The following SLC7A2 variants were observed in gnomAD, a reference collection of about 807,000 sequenced individuals.
SLC7A2 encodes the protein solute carrier family 7 member 2.
Under a neutral mutation model 58.9 loss-of-function variants are expected in SLC7A2, and 48 were observed. That is an observed-to-expected ratio of 0.82 (90% CI 0.65 to 1.04). The LOEUF is 1.04. Among genes scored for constraint, SLC7A2 ranks in the 50% least tolerant of loss-of-function variants. The pLI is 0.00. For missense variants in SLC7A2, 1,029 were observed against 818.8 expected, an observed-to-expected ratio of 1.26 and a Z score of -3.13; for synonymous variants, 363 against 314.5, an observed-to-expected ratio of 1.15 and a Z score of -1.63.
In SLC7A2 at chr8:17,562,081, CCCCA is replaced by C; in HGVS notation, c.1643_1646del (p.Pro548ArgfsTer6). On this transcript the variant is annotated frameshift_variant, in exon 11 of 13. Coordinates refer to ENST00000494857, the MANE Select transcript of SLC7A2 (RefSeq NM_001370338.1). LOFTEE classifies it high-confidence loss of function. ...CATCGTTCTCACCATCTGGAGGCAGCCCCAGAATCAGCAAAAAGTAGCCTTCATG... is the reference window on the plus strand; with the variant it reads ...CATCGTTCTCACCATCTGGAGGCAGCGAATCAGCAAAAAGTAGCCTTCATG... 1 of 1,613,494 alleles carries C rather than the reference CCCCA, an allele frequency of 6.2e-7. No individual in the cohort carries two copies. The highest frequency in any genetic ancestry group is 8.5e-7 in the Non-Finnish European group (1 of 1,179,958).
chr8:17,555,785 A>G (rs1337507269), intron 8 of SLC7A2, among the ~76,000 whole-genome samples: 2 of 152,174 alleles, frequency 1.3e-5, no homozygotes, highest in African/African-American at 4.8e-5. Flanking sequence ...TATCCATGTA[A>G]AATACCTTTG....
At chr8:17,551,500 G>A (rs1207024069) in intron 6 of SLC7A2, among the ~76,000 whole-genome samples, 1 of 152,150 alleles carries the variant, frequency 6.6e-6, no homozygotes, top group Non-Finnish European at 1.5e-5. Flanking sequence ...GGGAGGCTGA[G>A]GCAGGAGAAT....
At position 17,565,150 on chromosome 8, in the gene SLC7A2, T is replaced by C. The variant is rs545197993; in HGVS notation, c.*4T>C. 4.4e-6 allele frequency: 7 copies of C among 1,608,224 alleles called. No individual in the cohort carries two copies. The highest frequency in any genetic ancestry group is 2.7e-5 in the African/African-American group (2 of 74,848). On this transcript the variant is annotated 3_prime_UTR_variant, in exon 13 of 13. Coordinates refer to ENST00000494857, the MANE Select transcript of SLC7A2 (RefSeq NM_001370338.1). ...TGAAAAGACAAGTGAATTCTAACACTTGCAGGAGCAGAGCTGGTCATCGTC... is the reference window on the plus strand; with the variant it reads ...TGAAAAGACAAGTGAATTCTAACACCTGCAGGAGCAGAGCTGGTCATCGTC...
rs1250315859 is a variant in SLC7A2, at chr8:17,554,786, T to C, written c.1195+87T>C. ...AAAAATACAAAGCTAGGTGGTTTTCTTTTTTGATTTCCAAGAAGTTCAGTC... is the reference window on the plus strand; with the variant it reads ...AAAAATACAAAGCTAGGTGGTTTTCCTTTTTGATTTCCAAGAAGTTCAGTC... On this transcript the variant is annotated intron_variant, in intron 8 of 12. Coordinates refer to ENST00000494857, the MANE Select transcript of SLC7A2 (RefSeq NM_001370338.1). 4 of 1,456,998 alleles carry C rather than the reference T, an allele frequency of 2.7e-6. No individual in the cohort carries two copies. In the African/African-American group the frequency reaches 4.5e-5, roughly 16 times the overall value. The allele number at this position is 1,456,998 out of a possible 1,614,324, so 90.3% of individuals were successfully genotyped here.
intron 2 of SLC7A2, among the ~76,000 whole-genome samples, chr8:17,527,850 A>G (rs1284947460): frequency 6.6e-6 from 1 of 152,202 alleles, no homozygotes; most frequent in East Asian, 1.9e-4. Flanking sequence ...GGACTTCAGC[A>G]TATTTTTCTG....
At chr8:17,545,542 T>C in intron 4 of SLC7A2, among the ~76,000 whole-genome samples, 1 of 150,262 alleles carries the variant, frequency 6.7e-6, no homozygotes, top group South Asian at 2.1e-4. Context: ...GGACTACAGG[T>C]GCGCGCCACC....
intron 2 of SLC7A2, chr8:17,538,785 C>A (rs768640908): frequency 3.7e-6 from 6 of 1,612,158 alleles, no homozygotes; most frequent in Non-Finnish European, 5.1e-6. Flanking sequence ...AGTCCCAAAA[C>A]AGAAAGAGCA....
At chr8:17,529,726 G>A (rs1268494392) in intron 2 of SLC7A2, among the ~76,000 whole-genome samples, 2 of 151,786 alleles carry the variant, frequency 1.3e-5, no homozygotes, top group Admixed American at 6.6e-5. Context: ...GTAACGATGG[G>A]GTTTTACACC....
chr8:17,554,776 G>C (rs925060734), intron 8 of SLC7A2, 77 bp downstream of exon 8: 19 of 1,476,078 alleles, frequency 1.3e-5, no homozygotes, highest in South Asian at 6.8e-5. Flanking sequence ...TACAAAGCTA[G>C]GTGGTTTTCT....
rs774193511 is a variant in SLC7A2, at chr8:17,561,981, C to T, written c.1542C>T (p.Tyr514=). The T allele has an allele frequency of 1.5e-5, 24 of 1,613,994 alleles. 1 individual carries two copies. The highest frequency in any genetic ancestry group is 3.3e-4 in the Middle Eastern group (2 of 6,084). The part of the protein sequence containing the change: ...LVLGLSVLTT[Y]GVHAITRLEA... ...TGGGCCTGAGTGTCTTGACCACTTA[C>T]GGAGTTCATGCCATCACCAGGCTGG... The change falls in exon 11 of 13, where the codon TAC becomes TAT. Residue 514 remains tyrosine, a synonymous_variant. Transcript: ENST00000494857.
chr8:17,495,813 G>T (rs181390485), upstream of SLC7A2, among the ~76,000 whole-genome samples: 1 of 152,202 alleles, frequency 6.6e-6, no homozygotes, highest in Admixed American at 6.5e-5. Context: ...GCGTCCCAAA[G>T]TGCTGGGATT....
rs1803447689 is a variant in SLC7A2, at chr8:17,570,242, T to C, written c.*5096T>C. On this transcript the variant is annotated 3_prime_UTR_variant, in exon 13 of 13. Transcript: ENST00000494857. Reference sequence around the variant, plus strand: ...CACCTGATTAATGGGCCCTTTATCTTTGGTGTCCCCTAGGAGTGTCCAGTT... The same window carrying C: ...CACCTGATTAATGGGCCCTTTATCTCTGGTGTCCCCTAGGAGTGTCCAGTT... 1 of 152,284 alleles carries C rather than the reference T, an allele frequency of 6.6e-6. No homozygotes were observed. The highest frequency in any genetic ancestry group is 1.5e-5 in the Non-Finnish European group (1 of 68,018). 9.4% of individuals were successfully genotyped at this position (152,284 alleles called of 1,614,324 possible).
chr8:17,565,218 C>A lies in SLC7A2; in HGVS notation c.*72C>A. 8.3e-7 allele frequency: 1 copy of A among 1,209,632 alleles called. No homozygotes were observed. The highest frequency in any genetic ancestry group is 1.2e-6 in the Non-Finnish European group (1 of 860,128). The allele number at this position is 1,209,632 out of a possible 1,614,324, so 74.9% of individuals were successfully genotyped here. On this transcript the variant is annotated 3_prime_UTR_variant, in exon 13 of 13. Coordinates refer to ENST00000494857, the MANE Select transcript of SLC7A2 (RefSeq NM_001370338.1). ...CACTGAGTAAACCGTAACGGGATGTCATCAGCATGCTGGGTTGTCATGGGT... is the reference window on the plus strand; with the variant it reads ...CACTGAGTAAACCGTAACGGGATGTAATCAGCATGCTGGGTTGTCATGGGT...
chr8:17,560,097 T>C (rs1284635674), intron 9 of SLC7A2, among the ~76,000 whole-genome samples: 1 of 152,234 alleles, frequency 6.6e-6, no homozygotes, highest in Non-Finnish European at 1.5e-5. Context: ...CCATCTATTG[T>C]ATGACTCTGA....
At chr8:17,503,002 TC>T (rs1277295912) in intron 2 of SLC7A2, among the ~76,000 whole-genome samples, 1 of 152,026 alleles carries the variant, frequency 6.6e-6, no homozygotes, top group Non-Finnish European at 1.5e-5. Context: ...TTCACAAATT[TC>T]TTCTGTGTGT....
intron 11 of SLC7A2, among the ~76,000 whole-genome samples, chr8:17,562,481 A>G (rs1803064962): frequency 1.3e-5 from 2 of 152,012 alleles, no homozygotes; most frequent in African/African-American, 2.4e-5. Context: ...CTGGGATTAT[A>G]TGTGTGAGCC....
At chr8:17,564,381 T>G (rs191113108) in intron 12 of SLC7A2, among the ~76,000 whole-genome samples, 215 of 152,344 alleles carry the variant, frequency 1.4e-3, no homozygotes, top group East Asian at 6.6e-3. Flanking sequence ...CTATAAAGTT[T>G]GGGTCTTCAC....
intron 9 of SLC7A2, among the ~76,000 whole-genome samples, chr8:17,559,986 T>C (rs1802885742): frequency 2.0e-5 from 3 of 152,344 alleles, no homozygotes; most frequent in South Asian, 4.1e-4. Flanking sequence ...CCAGAGCTTC[T>C]GTGCTGTTTT....
Position 17,562,206 on chromosome 8 carries a change from T to C in SLC7A2, c.1671+96T>C, listed in dbSNP as rs1293627200. 23 of 421,856 alleles carry C rather than the reference T, an allele frequency of 5.5e-5. No homozygotes were observed. The African/African-American group carries it at 6.1e-4, about 11-fold the overall frequency. The allele number at this position is 421,856 out of a possible 1,614,324, so 26.1% of individuals were successfully genotyped here. A position where few individuals can be genotyped will look rare whatever the true frequency, so the allele number is the denominator to read the frequency against. ...TTTTTTTTTTTTTTTTTTTTTTTTT[T>C]TTTTTTTTTGGAGATGGAATCTCTC... is the stretch of plus-strand genomic sequence containing the variant. On this transcript the variant is annotated intron_variant, in intron 11 of 12. Coordinates refer to ENST00000494857, the MANE Select transcript of SLC7A2 (RefSeq NM_001370338.1).
Sources: gnomAD v4.1 joint callset for allele counts (sites outside exome capture counted in the v4.1 genomes callset) on GRCh38, gnomAD v4.1.1 for gene constraint, MANE v1.5 for transcripts, NCBI Gene and HGNC (gene_info 2026-07-23, HGNC 2026-07-21) for gene names.